The following NEGR1 variants were observed in gnomAD, a reference collection of about 807,000 sequenced individuals.
The protein encoded by NEGR1 is IgLON family member 4.
Under a neutral mutation model 40.9 loss-of-function variants are expected in NEGR1, and 10 were observed. The ratio of observed to expected loss-of-function variants is 0.24; its 90% CI spans 0.15 to 0.42. NEGR1 has a LOEUF of 0.42. Among genes scored for constraint, NEGR1 ranks in the 10% least tolerant of loss-of-function variants. The pLI, the probability that NEGR1 is intolerant of heterozygous loss-of-function variation, is 1.00. For synonymous variants in NEGR1, 185 were observed against 166.8 expected, an observed-to-expected ratio of 1.11 and a Z score of -0.84; for missense variants, 352 against 438.9, an observed-to-expected ratio of 0.80 and a Z score of 1.77.
rs1192210414 is a variant in NEGR1 at position 71,888,622 on chromosome 1, C to T, written c.409+46457G>A. 2.4e-3 allele frequency among the ~76,000 whole-genome samples: 336 copies of T among 138,060 alleles called. 2 individuals carry two copies. Among genetic ancestry groups the T allele is most frequent in the African/African-American group, 8.7e-3 (321 of 36,702 alleles). The allele number at this position is 138,060 out of a possible 152,430, so 90.6% of individuals were successfully genotyped here. On this transcript the variant is annotated intron_variant, in intron 2 of 6. Transcript: ENST00000357731. ...AGCAGTCTGAGATCAAACTGCAAGGCGGCAACGAGGCTGGGGGAGGGGCGC... is the reference window on the plus strand; with the variant it reads ...AGCAGTCTGAGATCAAACTGCAAGGTGGCAACGAGGCTGGGGGAGGGGCGC...
In NEGR1 at chr1:71,405,321, A is replaced by G. The variant is rs755371042; in HGVS notation, c.*2125T>C. ...ATTCTTGATCTGTTTCTTTCTCCCA[A>G]ACAATGGTACTGATGGTTAACATTT... On this transcript the variant is annotated 3_prime_UTR_variant, in exon 7 of 7. Transcript: ENST00000357731. The G allele has an allele frequency of 6.6e-6, 1 of 152,256 alleles. No individual in the cohort carries two copies. Among genetic ancestry groups the G allele is most frequent in the Non-Finnish European group, 1.5e-5 (1 of 67,768 alleles). 9.4% of individuals were successfully genotyped at this position (152,256 alleles called of 1,614,324 possible).
At chr1:71,762,663 A>G (rs1040552202) in intron 3 of NEGR1, among the ~76,000 whole-genome samples, 12 of 152,300 alleles carry the variant, frequency 7.9e-5, no homozygotes, top group Admixed American at 3.9e-4. Flanking sequence ...TCTCAAGGAC[A>G]CTATGCTGAA....
rs1646220511 is a variant in NEGR1, at chr1:71,397,590, G to A, written c.*9856C>T. On this transcript the variant is annotated 3_prime_UTR_variant, in exon 7 of 7. Coordinates refer to ENST00000357731, the MANE Select transcript of NEGR1 (RefSeq NM_173808.3). ...GATCTGCCTGTCTCAGACTCCCAAA[G>A]TGCTGAGATTACAAGCATGAGCCAG... 6.6e-6 allele frequency: 1 copy of A among 152,224 alleles called. No individual in the cohort carries two copies. Among genetic ancestry groups the A allele is most frequent in the South Asian group, 2.1e-4 (1 of 4,828 alleles). The allele number at this position is 152,224 out of a possible 1,614,324, so 9.4% of individuals were successfully genotyped here.
At chr1:71,743,864 A>G (rs1309188670) in intron 3 of NEGR1, among the ~76,000 whole-genome samples, 1 of 152,118 alleles carries the variant, frequency 6.6e-6, no homozygotes, top group Non-Finnish European at 1.5e-5. Flanking sequence ...GAAGTAGTAG[A>G]CTGCACTCTT....
At chr1:72,001,061 A>G (rs1646553311) in intron 1 of NEGR1, among the ~76,000 whole-genome samples, 1 of 152,122 alleles carries the variant, frequency 6.6e-6, no homozygotes, top group Non-Finnish European at 1.5e-5. Flanking sequence ...ACAAAGCAAT[A>G]TGGAGTAACT....
chr1:71,718,981 T>C (rs1654366657), intron 3 of NEGR1, among the ~76,000 whole-genome samples: 2 of 152,222 alleles, frequency 1.3e-5, no homozygotes, highest in South Asian at 4.1e-4. Context: ...AAAAAAAGTA[T>C]TGTTTTCTTC....
At chr1:71,504,447 G>A (rs1017084606) in intron 6 of NEGR1, among the ~76,000 whole-genome samples, 2 of 152,032 alleles carry the variant, frequency 1.3e-5, no homozygotes, top group African/African-American at 2.4e-5. Context: ...AGAAATGCAA[G>A]GAAAAACTCC....
intron 1 of NEGR1, among the ~76,000 whole-genome samples, chr1:72,107,558 C>G (rs1211009904): frequency 6.6e-6 from 1 of 151,454 alleles, no homozygotes; most frequent in Non-Finnish European, 1.5e-5. Flanking sequence ...AAAAAGATGT[C>G]ACATCTATTG....
At chr1:71,489,472 G>A (rs1646910969) in intron 6 of NEGR1, among the ~76,000 whole-genome samples, 1 of 151,650 alleles carries the variant, frequency 6.6e-6, no homozygotes, top group African/African-American at 2.4e-5. Flanking sequence ...GGTTTCTGTT[G>A]TTTCCCACAC....
At chr1:72,259,346 G>A (rs1331352882) in intron 1 of NEGR1, among the ~76,000 whole-genome samples, 1 of 151,994 alleles carries the variant, frequency 6.6e-6, no homozygotes, top group Admixed American at 6.6e-5. Context: ...TATGAGTCTA[G>A]GTGCCATCTA....
rs550402281 is a variant in NEGR1, at chr1:71,707,701, G to A, written c.536-9562C>T. On this transcript the variant is annotated intron_variant, in intron 3 of 6. Transcript: ENST00000357731. ...TACAGCAGGCCTGGGGAGAAACCCA[G>A]AGCTATATTGACTTCAGGTCTGACC... Among the ~76,000 whole-genome samples the A allele has an allele frequency of 7.2e-5, 11 of 152,204 alleles. No individual in the cohort carries two copies. The South Asian group carries it at 1.9e-3, about 26-fold the overall frequency.
chr1:71,822,797 C>A (rs1054563325), intron 2 of NEGR1, among the ~76,000 whole-genome samples: 1 of 151,986 alleles, frequency 6.6e-6, no homozygotes, highest in Non-Finnish European at 1.5e-5. Context: ...ATCCCATTCA[C>A]AAGGGCTCCT....
intron 1 of NEGR1, among the ~76,000 whole-genome samples, chr1:72,241,601 GC>G (rs1022075083): frequency 1.1e-4 from 16 of 151,666 alleles, no homozygotes; most frequent in African/African-American, 3.9e-4. Context: ...GCTAGAGTCT[GC>G]CTAGGTGTTG....
intron 1 of NEGR1, among the ~76,000 whole-genome samples, chr1:71,958,705 C>A (rs944561917): frequency 1.3e-5 from 2 of 152,046 alleles, no homozygotes; most frequent in African/African-American, 4.8e-5. Context: ...CCTGTAATCC[C>A]AGCACTGGGA....
intron 3 of NEGR1, among the ~76,000 whole-genome samples, chr1:71,755,275 C>T (rs777599925): frequency 2.6e-5 from 4 of 152,094 alleles, no homozygotes; most frequent in Non-Finnish European, 5.9e-5. Flanking sequence ...TCCTCTTCAC[C>T]TCCACTGTCA....
intron 3 of NEGR1, among the ~76,000 whole-genome samples, chr1:71,732,405 G>C (rs149033880): frequency 6.6e-6 from 1 of 152,122 alleles, no homozygotes; most frequent in Non-Finnish European, 1.5e-5. Flanking sequence ...TTTCTATCAT[G>C]GACCCAGTCT....
At chr1:71,442,226 CTTTTTTTTTTT>C (rs35594326) in intron 6 of NEGR1, among the ~76,000 whole-genome samples, 1 of 84,984 alleles carries the variant, frequency 1.2e-5, no homozygotes, top group East Asian at 4.0e-4. Flanking sequence ...GGTAGCATTC[CTTTTTTTTTTT>C]TTTTTTTTTT....
At chr1:71,729,702 T>C (rs1235995257) in intron 3 of NEGR1, among the ~76,000 whole-genome samples, 3 of 152,124 alleles carry the variant, frequency 2.0e-5, no homozygotes, top group African/African-American at 7.2e-5. Context: ...TGGTGCAATC[T>C]TGGCTCACTG....
chr1:71,712,648 C>T (rs1156652051), intron 3 of NEGR1, among the ~76,000 whole-genome samples: 1 of 152,028 alleles, frequency 6.6e-6, no homozygotes, highest in Admixed American at 6.6e-5. Context: ...TATTTCTTTA[C>T]CTATTTAAAA....
Sources: allele counts gnomAD v4.1 joint callset (sites outside exome capture counted in the v4.1 genomes callset), GRCh38; gene constraint gnomAD v4.1.1; transcripts MANE v1.5; gene names NCBI Gene and HGNC (gene_info 2026-07-23, HGNC 2026-07-21).